The following UGT3A2 variants were observed in gnomAD, a reference collection of about 807,000 sequenced individuals.
The protein encoded by UGT3A2 is UDP-glycosyltransferase 3A2.
A neutral mutation model predicts 39.8 loss-of-function variants in UGT3A2; 32 were observed. The ratio of observed to expected loss-of-function variants is 0.80; its 90% confidence interval spans 0.61 to 1.08. UGT3A2 has a LOEUF of 1.08. Among genes scored for constraint, UGT3A2 ranks in the 50% least tolerant of loss-of-function variants. The pLI, the probability that UGT3A2 is intolerant of heterozygous loss-of-function variation, is 0.00. For synonymous variants in UGT3A2, 241 were observed against 230.7 expected, an observed-to-expected ratio of 1.04 and a Z score of -0.40; for missense variants, 611 against 637.1, an observed-to-expected ratio of 0.96 and a Z score of 0.44.
At position 36,051,887 on chromosome 5, in the gene UGT3A2, T is replaced by C; in HGVS notation, c.294A>G (p.Glu98=). ...EFKKSFDFFL[E]ETLGGRGKFE... ...ACAATTACCTGCCACCTAAAGTTTCTTCCAGAAAGAAATCAAAACTCTTTT... is the reference window on the plus strand; with the variant it reads ...ACAATTACCTGCCACCTAAAGTTTCCTCCAGAAAGAAATCAAAACTCTTTT... The change falls in exon 3 of 7, where the codon GAA becomes GAG. Residue 98 remains glutamate (E), a synonymous_variant. Coordinates refer to ENST00000282507, the MANE Select transcript of UGT3A2 (RefSeq NM_174914.4). 1 of 1,589,772 alleles carries C rather than the reference T, an allele frequency of 6.3e-7. No individual in the cohort carries two copies. Among genetic ancestry groups the C allele is most frequent in the Non-Finnish European group, 8.5e-7 (1 of 1,173,994 alleles).
chr5:36,035,636 G>A lies in UGT3A2; in HGVS notation c.*62C>T. ...AGAATGGGGCTGCCAGAACTAGTGG[G>A]AAGCTCCCTAGAAATGGTGACATCG... On this transcript the variant is annotated 3_prime_UTR_variant, in exon 7 of 7. Transcript: ENST00000282507. 6.4e-7 allele frequency: 1 copy of A among 1,570,222 alleles called. No individual in the cohort carries two copies.
chr5:36,053,170 G>T (rs75447590), intron 2 of UGT3A2, among the ~76,000 whole-genome samples: 2,412 of 152,210 alleles, frequency 0.016, 59 homozygotes, highest in African/African-American at 0.056. Context: ...AGATTCATTT[G>T]CCACACTCAT....
chr5:36,035,554 G>T lies in UGT3A2; in HGVS notation c.*144C>A. On this transcript the variant is annotated 3_prime_UTR_variant, in exon 7 of 7. Coordinates refer to ENST00000282507, the MANE Select transcript of UGT3A2 (RefSeq NM_174914.4). ...AGCAAAATTAGCAAGTGGAAAGGAT[G>T]ATTTTTGGCCATTTTTCCTGTTCTT... 1 of 1,234,516 alleles carries T rather than the reference G, an allele frequency of 8.1e-7. No individual in the cohort carries two copies. The highest frequency in any genetic ancestry group is 1.1e-6 in the Non-Finnish European group (1 of 901,904). 76.5% of individuals were successfully genotyped at this position (1,234,516 alleles called of 1,614,324 possible).
rs1164882166 is a variant in UGT3A2 at position 36,035,897 on chromosome 5, C to T, written c.1373G>A (p.Trp458Ter). Residue 458 changes from tryptophan (W) to a stop codon, truncating the protein, a stop_gained, in exon 7 of 7, where the codon TGG (tryptophan) becomes TAG (stop). Coordinates refer to ENST00000282507, the MANE Select transcript of UGT3A2 (RefSeq NM_174914.4). LOFTEE classifies it low-confidence loss of function (END_TRUNC). ...PLSPTQRLVG[W>*]IDHVLQTGGA... ...CCCTGTCTGGAGGACGTGGTCAATC[C>T]AGCCCACCAGCCGCTGTGTGGGGCT... is the stretch of plus-strand genomic sequence containing the variant. 17 of 1,614,018 alleles carry T rather than the reference C, an allele frequency of 1.1e-5. No individual in the cohort carries two copies. Among genetic ancestry groups the T allele is most frequent in the Non-Finnish European group, 1.4e-5 (16 of 1,180,032 alleles).
At chr5:36,050,274 C>T (rs1284011688) in intron 3 of UGT3A2, among the ~76,000 whole-genome samples, 3 of 152,062 alleles carry the variant, frequency 2.0e-5, no homozygotes, top group African/African-American at 7.2e-5. Flanking sequence ...GATTCTTTTG[C>T]AATGTATTCC....
At chr5:36,049,741 A>G (rs1742282642) in intron 3 of UGT3A2, among the ~76,000 whole-genome samples, 1 of 152,226 alleles carries the variant, frequency 6.6e-6, no homozygotes, top group East Asian at 1.9e-4. Flanking sequence ...CTCATTGATA[A>G]ATTAGGTGAC....
chr5:36,043,613 C>A (rs757197576), intron 4 of UGT3A2, among the ~76,000 whole-genome samples: 6 of 150,916 alleles, frequency 4.0e-5, no homozygotes, highest in Non-Finnish European at 5.9e-5. Context: ...AATAGACAAC[C>A]CTTTAGCCAA....
chr5:36,065,283 C>T (rs1742844449), intron 1 of UGT3A2, among the ~76,000 whole-genome samples: 1 of 152,126 alleles, frequency 6.6e-6, no homozygotes, highest in Non-Finnish European at 1.5e-5. Flanking sequence ...CTCTGAATGA[C>T]TCAGTTTACT....
At chr5:36,042,668 A>G (rs553431114) in intron 4 of UGT3A2, among the ~76,000 whole-genome samples, 4 of 152,152 alleles carry the variant, frequency 2.6e-5, no homozygotes, top group Non-Finnish European at 4.4e-5. Flanking sequence ...ACACACATAG[A>G]CTGAAAATAA....
chr5:36,040,074 G>A (rs1390641787), intron 4 of UGT3A2, among the ~76,000 whole-genome samples: 14 of 152,092 alleles, frequency 9.2e-5, no homozygotes, highest in Admixed American at 9.2e-4. Flanking sequence ...GGCTGGAATG[G>A]AGATGCTGGG....
rs1265230316 is a variant in UGT3A2 at position 36,066,784 on chromosome 5, A to G, written c.6T>C (p.Ala2=). The G allele has an allele frequency of 2.5e-6, 4 of 1,614,218 alleles. No individual in the cohort carries two copies. Among genetic ancestry groups the G allele is most frequent in the Admixed American group, 1.7e-5 (1 of 60,032 alleles). Residue 2 remains alanine (A), a synonymous_variant, in exon 1 of 7, where the codon GCT becomes GCC. Transcript: ENST00000282507. ...CCACTAGAAGAAGCACTCGCTGCCC[A>G]GCCATGCTCACTTCTACGGAAGCCG... is the stretch of plus-strand genomic sequence containing the variant. M[A]GQRVLLLVGF...
At chr5:36,051,509 C>A (rs1287267) in intron 3 of UGT3A2, among the ~76,000 whole-genome samples, 71,515 of 152,016 alleles carry the variant, frequency 0.47, 17,135 homozygotes, top group Non-Finnish European at 0.5. Flanking sequence ...GGAGCCTATC[C>A]CAATTTCTGT....
Position 36,039,556 on chromosome 5 carries a change from C to G in UGT3A2, c.996G>C (p.Gln332His), listed in dbSNP as rs1050097660. 2 of 1,614,076 alleles carry G rather than the reference C, an allele frequency of 1.2e-6. No homozygotes were observed. Among genetic ancestry groups the G allele is most frequent in the South Asian group, 1.1e-5 (1 of 91,084 alleles). ...HLPQGVIWKC[Q>H]CSHWPKDVHL... ...GGACATCTTTGGGCCAATGAGAACA[C>G]TGACACTTCCATATCACCCCTTGGG... Residue 332 changes from glutamine to histidine, a missense_variant, in exon 5 of 7, where the codon CAG becomes CAC. Gln to His is a conservative substitution (Grantham distance 24). Transcript: ENST00000282507.
In UGT3A2 at chr5:36,035,920, G is replaced by T; in HGVS notation, c.1350C>A (p.Ser450Arg). 2 of 1,614,210 alleles carry T rather than the reference G, an allele frequency of 1.2e-6. No individual in the cohort carries two copies. Among genetic ancestry groups the T allele is most frequent in the Non-Finnish European group, 1.7e-6 (2 of 1,180,044 alleles). The change falls in exon 7 of 7, where the codon AGC (serine) becomes AGA (arginine). Residue 450 changes from serine (S) to arginine (R), a missense_variant. By Grantham distance (110) the Ser-to-Arg change is moderately radical. Coordinates refer to ENST00000282507, the MANE Select transcript of UGT3A2 (RefSeq NM_174914.4). ...ASVILRSHPLSPTQRLVGWID... is the reference protein window; with the variant it reads ...ASVILRSHPLRPTQRLVGWID... ...TCCAGCCCACCAGCCGCTGTGTGGG[G>T]CTGAGCGGGTGGGAGCGCAGGATGA...
At chr5:36,038,143 C>G in intron 5 of UGT3A2, 127 bp from the exon 6 acceptor site, 2 of 995,442 alleles carry the variant, frequency 2.0e-6, no homozygotes, top group Non-Finnish European at 2.9e-6. Context: ...TATCTAATGA[C>G]TGTGCTTGGG....
chr5:36,039,676 G>A lies in UGT3A2; in HGVS notation c.876C>T (p.Asp292=), dbSNP rs1425962885. 6.2e-7 allele frequency: 1 copy of A among 1,614,052 alleles called. No individual in the cohort carries two copies. The highest frequency in any genetic ancestry group is 2.2e-5 in the East Asian group (1 of 44,900). Residue 292 remains aspartate (D), a synonymous_variant, in exon 5 of 7, where the codon GAC becomes GAT. Transcript: ENST00000282507. ...DLENFIAKFG[D]SGFVLVTLGS... Reference sequence around the variant, plus strand: ...CCAAGGTCACAAGGACAAAACCAGAGTCCCCAAACTTGGCAATGAAGTTCT... The same window carrying A: ...CCAAGGTCACAAGGACAAAACCAGAATCCCCAAACTTGGCAATGAAGTTCT...
intron 2 of UGT3A2, among the ~76,000 whole-genome samples, chr5:36,060,944 T>C (rs568445517): frequency 3.3e-5 from 5 of 152,140 alleles, no homozygotes; most frequent in Non-Finnish European, 7.4e-5. Flanking sequence ...TCACCTGAGA[T>C]TAGGAGTTCA....
chr5:36,053,225 G>C (rs527663761), intron 2 of UGT3A2, among the ~76,000 whole-genome samples: 3 of 152,266 alleles, frequency 2.0e-5, no homozygotes, highest in African/African-American at 7.2e-5. Flanking sequence ...AAGGGGATAA[G>C]CCATTGTCCC....
At position 36,061,486 on chromosome 5, in the gene UGT3A2, C is replaced by T. The variant is rs1039249868; in HGVS notation, c.196+2763G>A. On this transcript the variant is annotated intron_variant, in intron 2 of 6. Coordinates refer to ENST00000282507, the MANE Select transcript of UGT3A2 (RefSeq NM_174914.4). ...ATTCCCACCTATAAGTGAGAATATG[C>T]GGTGTTTGGTTTTTTGTTCTTGTGA... is the stretch of plus-strand genomic sequence containing the variant. Among the ~76,000 whole-genome samples the T allele has an allele frequency of 8.4e-4, 126 of 149,332 alleles. 1 individual carries two copies. The highest frequency in any genetic ancestry group is 7.2e-3 in the Admixed American group (107 of 14,952).
Sources: allele counts gnomAD v4.1 joint callset (sites outside exome capture counted in the v4.1 genomes callset), GRCh38; gene constraint gnomAD v4.1.1; transcripts MANE v1.5; gene names NCBI Gene and HGNC (gene_info 2026-07-23, HGNC 2026-07-21).